The following MYO9B variants were observed in gnomAD, a reference collection of about 807,000 sequenced individuals.
MYO9B encodes the protein myosin IXB, also known as unconventional myosin-IXb.
A neutral mutation model predicts 229.5 loss-of-function variants in MYO9B; 71 were observed. That is an observed-to-expected ratio of 0.31 (90% CI 0.26 to 0.38). MYO9B has a LOEUF of 0.38. Ranked by LOEUF, MYO9B falls within the 10% of genes least tolerant of loss-of-function variation. The probability of loss-of-function intolerance (pLI) is 1.00; values close to 1 mark genes in which losing one functional copy is unlikely to be tolerated. For missense variants in MYO9B, 2,255 were observed against 2,920.5 expected, an observed-to-expected ratio of 0.77 and a Z score of 5.25; for synonymous variants, 1,185 against 1,235.8, an observed-to-expected ratio of 0.96 and a Z score of 0.86.
At chr19:17,144,300 A>G (rs974970927) in intron 2 of MYO9B, among the ~76,000 whole-genome samples, 1 of 152,204 alleles carries the variant, frequency 6.6e-6, no homozygotes, top group Non-Finnish European at 1.5e-5. Flanking sequence ...CACAATCTGG[A>G]AAATATTAAT....
At chr19:17,106,307 C>A (rs765224376) in intron 2 of MYO9B, among the ~76,000 whole-genome samples, 4 of 152,154 alleles carry the variant, frequency 2.6e-5, no homozygotes, top group Non-Finnish European at 5.9e-5. Flanking sequence ...ACCGCCCGTT[C>A]ATTGCTGTGT....
intron 11 of MYO9B, among the ~76,000 whole-genome samples, chr19:17,170,007 TA>T (rs1418368362): frequency 1.3e-5 from 2 of 151,734 alleles, no homozygotes; most frequent in Non-Finnish European, 2.9e-5. Context: ...CATGCCCAGC[TA>T]ATTTTTGTAT....
At chr19:17,122,157 C>T (rs1230899648) in intron 2 of MYO9B, among the ~76,000 whole-genome samples, 1 of 152,226 alleles carries the variant, frequency 6.6e-6, no homozygotes, top group African/African-American at 2.4e-5. Context: ...GCTGGCTCCT[C>T]CCATGATGCA....
intron 11 of MYO9B, among the ~76,000 whole-genome samples, chr19:17,170,035 G>A (rs950196321): frequency 1.3e-5 from 2 of 151,304 alleles, no homozygotes; most frequent in Admixed American, 6.6e-5. Context: ...TAGAGATGGG[G>A]TTTTTTCACC....
rs376194543 is a variant in MYO9B, at chr19:17,206,386, A to G, written c.5386+10A>G. 5.7e-5 allele frequency: 91 copies of G among 1,608,082 alleles called. No homozygotes were observed. Among genetic ancestry groups the G allele is most frequent in the Non-Finnish European group, 7.3e-5 (86 of 1,178,976 alleles). ...TTCCTCCGAGCCGTCGGTGAGCCCC[A>G]TGGCGGTGCGGGTGGCAGCAGGTGG... On this transcript the variant is annotated intron_variant, in intron 33 of 39. Coordinates refer to ENST00000682292, the MANE Select transcript of MYO9B (RefSeq NM_004145.4).
chr19:17,208,010 C>CAAAAAAAA (rs59894440), intron 35 of MYO9B: 1 of 136,446 alleles, frequency 7.3e-6, no homozygotes, highest in Non-Finnish European at 1.6e-5. Flanking sequence ...AACTCTATCT[C>CAAAAAAAA]AAAAAAAAAA....
At chr19:17,149,481 G>A (rs16981646) in intron 3 of MYO9B, among the ~76,000 whole-genome samples, 6,011 of 152,224 alleles carry the variant, frequency 0.039, 370 homozygotes, top group African/African-American at 0.13. Flanking sequence ...TTGGAAAGTC[G>A]TATCTGTGGC....
intron 10 of MYO9B, 84 bp downstream of exon 10, chr19:17,163,206 TA>T: frequency 7.0e-7 from 1 of 1,431,526 alleles, no homozygotes; most frequent in Non-Finnish European, 9.4e-7. Context: ...CATTTGTAAA[TA>T]TTCAGTTCAG....
In MYO9B at chr19:17,080,386, G is replaced by A. The variant is rs117641306; in HGVS notation, c.-59+4512G>A. On this transcript the variant is annotated intron_variant, in intron 1 of 39. Coordinates refer to ENST00000682292, the MANE Select transcript of MYO9B (RefSeq NM_004145.4). The stretch of plus-strand genomic sequence containing the variant: ...AGGTGTTGGCAGGGTTCGTGCCTTC[G>A]GAGGGCTGTGAGAATCTGTTCCACG... Among the ~76,000 whole-genome samples the A allele has an allele frequency of 1.8e-3, 280 of 152,204 alleles. 5 individuals are homozygous for A. The East Asian group carries it at 0.05, about 27-fold the overall frequency.
intron 30 of MYO9B, among the ~76,000 whole-genome samples, chr19:17,204,260 G>A (rs1341092950): frequency 6.6e-6 from 1 of 151,796 alleles, no homozygotes; most frequent in Non-Finnish European, 1.5e-5. Context: ...TGGGTGGCCT[G>A]GGATTCAGTG....
chr19:17,209,769 C>A, intron 36 of MYO9B, 60 bp downstream of exon 36: 4 of 1,587,480 alleles, frequency 2.5e-6, no homozygotes, highest in Non-Finnish European at 2.6e-6. Flanking sequence ...TGGTGCTGGG[C>A]AGGGCCTTGG....
At chr19:17,142,765 T>G (rs2072357584) in intron 2 of MYO9B, among the ~76,000 whole-genome samples, 1 of 152,182 alleles carries the variant, frequency 6.6e-6, no homozygotes, top group African/African-American at 2.4e-5. Flanking sequence ...GGGTTTTTGT[T>G]TGTTTGTTTG....
chr19:17,111,714 G>A (rs982409313), intron 2 of MYO9B, among the ~76,000 whole-genome samples: 3 of 152,088 alleles, frequency 2.0e-5, no homozygotes, highest in East Asian at 1.9e-4. Context: ...TGCAACCGTC[G>A]CCTCTATGCA....
In MYO9B at chr19:17,194,872, G is replaced by C; in HGVS notation, c.3445G>C (p.Glu1149Gln). ...EKVPSSREKR[E>Q]SRRQRGLEHV... ...AGTCCCCAGCAGCCGGGAGAAGCGT[G>C]AGTCGCGTCGGCAAAGAGGGCTGGA... Residue 1149 changes from glutamate (E) to glutamine (Q), a missense_variant, in exon 22 of 40, where the codon GAG becomes CAG. By Grantham distance (29) the Glu-to-Gln change is conservative. This residue lies in a region of MYO9B where 679 missense variants were observed against 770.2 expected (regional missense o/e 0.88). Coordinates refer to ENST00000682292, the MANE Select transcript of MYO9B (RefSeq NM_004145.4). The C allele has an allele frequency of 1.2e-6, 2 of 1,613,364 alleles. No individual in the cohort carries two copies. Among genetic ancestry groups the C allele is most frequent in the Non-Finnish European group, 1.7e-6 (2 of 1,179,888 alleles).
chr19:17,194,157 G>T (rs1263780137), intron 21 of MYO9B, among the ~76,000 whole-genome samples: 1 of 145,364 alleles, frequency 6.9e-6, no homozygotes, highest in East Asian at 2.0e-4. Context: ...GGACAACAGA[G>T]CGAGACTCTG....
At chr19:17,200,455 C>T in intron 25 of MYO9B, 29 bp downstream of exon 25, 4 of 1,549,374 alleles carry the variant, frequency 2.6e-6, no homozygotes, top group Non-Finnish European at 3.5e-6. Flanking sequence ...CAGGGACAGA[C>T]AGTAGAGCCA....
intron 2 of MYO9B, among the ~76,000 whole-genome samples, chr19:17,104,791 C>T (rs754990473): frequency 1.3e-5 from 2 of 151,940 alleles, no homozygotes; most frequent in African/African-American, 2.4e-5. Context: ...TATAAAAATA[C>T]CGAGCAGATA....
intron 10 of MYO9B, among the ~76,000 whole-genome samples, chr19:17,165,768 C>T (rs1292574370): frequency 6.6e-6 from 1 of 152,116 alleles, no homozygotes; most frequent in Admixed American, 6.5e-5. Context: ...GTGTGAGACC[C>T]TGTCTCTTAA....
At chr19:17,166,239 C>T (rs955660790) in intron 10 of MYO9B, among the ~76,000 whole-genome samples, 4 of 152,104 alleles carry the variant, frequency 2.6e-5, no homozygotes, top group African/African-American at 9.7e-5. Flanking sequence ...GACAGGGTTT[C>T]ACCATGTTGG....
Sources: gnomAD v4.1 joint callset for allele counts (sites outside exome capture counted in the v4.1 genomes callset) on GRCh38, gnomAD v4.1.1 for gene constraint, gnomAD v4.1.1 regional missense constraint, MANE v1.5 for transcripts, NCBI Gene and HGNC (gene_info 2026-07-23, HGNC 2026-07-21) for gene names.